ANKRD17: variants seen among roughly 807,000 people sequenced by gnomAD.
ANKRD17 encodes ankyrin repeat domain 17, also known as ankyrin repeat domain-containing protein 17.
Under a neutral mutation model 229.7 loss-of-function variants are expected in ANKRD17, and 19 were observed. The observed-to-expected ratio is 0.08, with a 90% CI of 0.06 to 0.12. ANKRD17 has a LOEUF of 0.12. Among genes scored for constraint, ANKRD17 ranks in the 10% least tolerant of loss-of-function variants. The pLI is 1.00. For missense variants in ANKRD17, 2,176 were observed against 3,176.8 expected, an observed-to-expected ratio of 0.68 and a Z score of 7.57; for synonymous variants, 1,112 against 1,146.1, an observed-to-expected ratio of 0.97 and a Z score of 0.60.
chr4:73,114,293 T>C (rs1437592110), intron 23 of ANKRD17, among the ~76,000 whole-genome samples: 3 of 152,166 alleles, frequency 2.0e-5, no homozygotes, highest in Non-Finnish European at 4.4e-5. Flanking sequence ...TTTCAAGAAA[T>C]GTCCTCAAAT....
At chr4:73,240,209 A>G (rs1578497783) in intron 1 of ANKRD17, among the ~76,000 whole-genome samples, 1 of 152,272 alleles carries the variant, frequency 6.6e-6, no homozygotes, top group East Asian at 1.9e-4. Context: ...GGCATTGCTT[A>G]TATTTTCTTC....
In ANKRD17 at chr4:73,103,366, T is replaced by G. The variant is rs149279701; in HGVS notation, c.4402-819A>C. ...CTGGAGGGTGGAACAGGAGGAGGGATAGCAGAATGATGGTGACTTTCAATT... is the reference window on the plus strand; with the variant it reads ...CTGGAGGGTGGAACAGGAGGAGGGAGAGCAGAATGATGGTGACTTTCAATT... On this transcript the variant is annotated intron_variant, in intron 24 of 33. Transcript: ENST00000358602. Among the ~76,000 whole-genome samples the G allele has an allele frequency of 4.2e-3, 640 of 152,262 alleles. 8 individuals carry two copies. The highest frequency in any genetic ancestry group is 0.014 in the African/African-American group (595 of 41,558).
rs188066988 is a variant in ANKRD17, at chr4:73,223,631, G to A, written c.393+34645C>T. 1.1e-4 allele frequency among the ~76,000 whole-genome samples: 17 copies of A among 152,216 alleles called. No homozygotes were observed. The East Asian group carries it at 2.9e-3, about 26-fold the overall frequency. On this transcript the variant is annotated intron_variant, in intron 1 of 33. Transcript: ENST00000358602. ...TGCTTGTAAATACTTATGAGAACCAGGTTAACATTCAACTAATTTACAGTT... is the reference window on the plus strand; with the variant it reads ...TGCTTGTAAATACTTATGAGAACCAAGTTAACATTCAACTAATTTACAGTT...
intron 2 of ANKRD17, among the ~76,000 whole-genome samples, chr4:73,168,477 C>T (rs535085776): frequency 6.6e-6 from 1 of 152,146 alleles, no homozygotes; most frequent in East Asian, 1.9e-4. Flanking sequence ...TCAATTAAAA[C>T]ATTGTTCCTA....
chr4:73,084,510 G>A (rs1203662095), intron 30 of ANKRD17, among the ~76,000 whole-genome samples: 3 of 151,160 alleles, frequency 2.0e-5, no homozygotes, highest in African/African-American at 2.4e-5. Context: ...GTGCAGTGGT[G>A]TGATCTCGGC....
At chr4:73,211,069 CTTTT>C (rs372478901) in intron 1 of ANKRD17, among the ~76,000 whole-genome samples, 5 of 151,736 alleles carry the variant, frequency 3.3e-5, no homozygotes, top group African/African-American at 1.2e-4. Flanking sequence ...ACATAGATGA[CTTTT>C]TTTTAACTTA....
chr4:73,077,167 AAT>A, intron 32 of ANKRD17, 63 bp from the exon 33 acceptor site: 1 of 1,468,216 alleles, frequency 6.8e-7, no homozygotes, highest in Non-Finnish European at 9.1e-7. Context: ...CAATATAATC[AAT>A]AGCCTTAAAA....
At chr4:73,170,346 G>T (rs1733817444) in intron 2 of ANKRD17, among the ~76,000 whole-genome samples, 1 of 151,956 alleles carries the variant, frequency 6.6e-6, no homozygotes, top group African/African-American at 2.4e-5. Flanking sequence ...CTGCTCCCTT[G>T]AAGAAAAGAA....
chr4:73,110,980 G>A (rs1203948131), intron 24 of ANKRD17, among the ~76,000 whole-genome samples: 1 of 152,100 alleles, frequency 6.6e-6, no homozygotes, highest in Non-Finnish European at 1.5e-5. Flanking sequence ...GTTAAATAAC[G>A]CTGGCAAGAA....
chr4:73,124,887 A>G, intron 18 of ANKRD17, 26 bp downstream of exon 18: 1 of 1,602,918 alleles, frequency 6.2e-7, no homozygotes, highest in Non-Finnish European at 8.5e-7. Flanking sequence ...AGAAAGGAAA[A>G]CAATTACACT....
chr4:73,242,572 T>C (rs1212093591), intron 1 of ANKRD17, among the ~76,000 whole-genome samples: 3 of 152,190 alleles, frequency 2.0e-5, no homozygotes. Flanking sequence ...CTGAGAATAT[T>C]TCATGGTCAC....
rs200091676 is a variant in ANKRD17 at position 73,077,074 on chromosome 4, T to C, written c.7618A>G (p.Met2540Val). The C allele has an allele frequency of 6.1e-5, 98 of 1,608,656 alleles. No homozygotes were observed. Among genetic ancestry groups the C allele is most frequent in the Non-Finnish European group, 7.4e-5 (87 of 1,178,132 alleles). ...GMPFSVYGNA[M>V]IPPVAPIPDG... Reference sequence around the variant, plus strand: ...GGGATAGGTGCTACTGGAGGAATCATTGCATTCCCATACACAGAAAAAGGC... The same window carrying C: ...GGGATAGGTGCTACTGGAGGAATCACTGCATTCCCATACACAGAAAAAGGC... Residue 2540 changes from methionine (M) to valine (V), a missense_variant, in exon 33 of 34, where the codon ATG (methionine) becomes GTG (valine). Met to Val is a conservative substitution (Grantham distance 21). Around this residue, in one of 18 missense-constraint regions of ANKRD17, gnomAD observed 159 missense variants for 214.3 expected, o/e 0.74. Coordinates refer to ENST00000358602, the MANE Select transcript of ANKRD17 (RefSeq NM_032217.5).
intron 14 of ANKRD17, among the ~76,000 whole-genome samples, chr4:73,141,491 A>G (rs994213355): frequency 5.9e-5 from 9 of 152,210 alleles, no homozygotes; most frequent in African/African-American, 2.2e-4. Context: ...ATTACTATTA[A>G]AGGAAATCAT....
chr4:73,149,264 A>C (rs919534702), intron 7 of ANKRD17, among the ~76,000 whole-genome samples: 5 of 152,184 alleles, frequency 3.3e-5, no homozygotes, highest in Non-Finnish European at 7.3e-5. Context: ...AATATAAAAT[A>C]AGTAGAAACA....
At chr4:73,232,071 T>C (rs1048219410) in intron 1 of ANKRD17, among the ~76,000 whole-genome samples, 1 of 152,212 alleles carries the variant, frequency 6.6e-6, no homozygotes, top group African/African-American at 2.4e-5. Context: ...TTCTGTGAGC[T>C]GCTCAGTAAA....
chr4:73,177,022 T>A (rs1734823350), intron 2 of ANKRD17, among the ~76,000 whole-genome samples: 1 of 152,172 alleles, frequency 6.6e-6, no homozygotes, highest in Non-Finnish European at 1.5e-5. Context: ...GTAGGGTGAT[T>A]CAAATGTTCC....
rs777425947 is a variant in ANKRD17 at position 73,139,833 on chromosome 4, C to T, written c.2783G>A (p.Arg928Gln). 9.3e-6 allele frequency: 15 copies of T among 1,614,092 alleles called. No homozygotes were observed. Among genetic ancestry groups the T allele is most frequent in the East Asian group, 8.9e-5 (4 of 44,902 alleles). The change falls in exon 15 of 34, where the codon CGG becomes CAG. Residue 928 changes from arginine to glutamine, a missense_variant. Around this residue, in one of 18 missense-constraint regions of ANKRD17, gnomAD observed 230 missense variants for 252.3 expected, o/e 0.91. Coordinates refer to ENST00000358602, the MANE Select transcript of ANKRD17 (RefSeq NM_032217.5). ...GEQLSEGDYARLQQVDPVLLK... is the reference protein window; with the variant it reads ...GEQLSEGDYAQLQQVDPVLLK... ...TAAAACAGGATCCACTTGCTGTAACCGTGCATAGTCTCCCTCAGAAAGCTG... is the reference window on the plus strand; with the variant it reads ...TAAAACAGGATCCACTTGCTGTAACTGTGCATAGTCTCCCTCAGAAAGCTG...
intron 19 of ANKRD17, 106 bp downstream of exon 19, chr4:73,121,511 T>C: frequency 7.3e-7 from 1 of 1,371,836 alleles, no homozygotes; most frequent in Non-Finnish European, 1.0e-6. Context: ...ATGCCAAATT[T>C]GTAATAAAGG....
chr4:73,195,772 G>A (rs1463830032), intron 1 of ANKRD17, among the ~76,000 whole-genome samples: 2 of 152,170 alleles, frequency 1.3e-5, no homozygotes, highest in Non-Finnish European at 2.9e-5. Flanking sequence ...CTCCCAAAGT[G>A]CTGGGATTAC....
Sources: gnomAD v4.1 joint callset for allele counts (sites outside exome capture counted in the v4.1 genomes callset) on GRCh38, gnomAD v4.1.1 for gene constraint, gnomAD v4.1.1 regional missense constraint, MANE v1.5 for transcripts, NCBI Gene and HGNC (gene_info 2026-07-23, HGNC 2026-07-21) for gene names.